MALAT1: variants seen among roughly 807,000 people sequenced by gnomAD.
MALAT1 encodes the protein metastasis associated lung adenocarcinoma transcript 1.
exon 1 of MALAT1, chr11:65,497,829 A>AT: frequency 3.9e-6 from 2 of 514,116 alleles, no homozygotes; most frequent in Non-Finnish European, 7.8e-6. Flanking sequence ...TTAGCAACGC[A>AT]GAAGCCCGGC....
exon 3 of MALAT1, chr11:65,501,679 T>TTTTATCCTTGGAAGAGTA (rs1854549049): frequency 1.9e-6 from 1 of 518,918 alleles, no homozygotes; most frequent in South Asian, 1.4e-5. Context: ...CTGGAGCTGC[T>TTTTATCCTTGGAAGAGTA]TTTATCCTTG....
intron 1 of MALAT1, chr11:65,498,484 A>G: frequency 3.9e-6 from 2 of 516,928 alleles, no homozygotes; most frequent in Non-Finnish European, 7.7e-6. Context: ...TCCCAAGCAG[A>G]CAGCCCGTGC....
chr11:65,499,852 G>A (rs1197583597), exon 3 of MALAT1: 3 of 421,638 alleles, frequency 7.1e-6, no homozygotes, highest in African/African-American at 2.1e-5. Flanking sequence ...AAAATTGGAA[G>A]ATAGAAACAA....
intron 3 of MALAT1, chr11:65,504,635 C>CT (rs1240902670): frequency 1.2e-5 from 6 of 518,770 alleles, no homozygotes; most frequent in Non-Finnish European, 2.3e-5. Context: ...TGGGAGGGGA[C>CT]TGAAGCCTTT....
At chr11:65,499,534 C>A (rs377353346) in exon 3 of MALAT1, 36 of 458,518 alleles carry the variant, frequency 7.9e-5, no homozygotes, top group African/African-American at 6.6e-4. Flanking sequence ...ACCTTGAAAT[C>A]CATGACGCAG....
chr11:65,499,035 G>A (rs747758493), exon 3 of MALAT1: 1 of 518,550 alleles, frequency 1.9e-6, no homozygotes, highest in Non-Finnish European at 3.8e-6. Context: ...CCTCGCCCGA[G>A]CTGTGCGGTA....
chr11:65,502,237 C>T (rs773310043), exon 3 of MALAT1: 2 of 518,786 alleles, frequency 3.9e-6, no homozygotes, highest in South Asian at 1.4e-5. Context: ...ATGGGAAATG[C>T]AAAAGTTGTT....
exon 3 of MALAT1, chr11:65,502,260 T>A (rs1482261812): frequency 1.9e-6 from 1 of 516,350 alleles, no homozygotes; most frequent in South Asian, 1.4e-5. Context: ...GATATGGTAG[T>A]GTGTGGTTCT....
At chr11:65,499,592 G>A in exon 3 of MALAT1, 1 of 452,428 alleles carries the variant, frequency 2.2e-6, no homozygotes, top group Non-Finnish European at 4.4e-6. Flanking sequence ...ACTAAACGCA[G>A]ACGAAAATGG....
At chr11:65,499,041 C>A (rs746679165) in exon 3 of MALAT1, 4 of 518,376 alleles carry the variant, frequency 7.7e-6, no homozygotes, top group African/African-American at 1.9e-5. Context: ...CCGAGCTGTG[C>A]GGTAGGCATT....
exon 3 of MALAT1, chr11:65,502,755 A>C (rs564575824): frequency 1.9e-6 from 1 of 516,230 alleles, no homozygotes; most frequent in Admixed American, 2.0e-5. Context: ...TATATGTCAT[A>C]CCTCCATTGG....
chr11:65,498,164 T>C (rs1854437615), intron 1 of MALAT1: 1 of 518,896 alleles, frequency 1.9e-6, no homozygotes, highest in Non-Finnish European at 3.8e-6. Context: ...TCTGGGTGTG[T>C]CCCTGACTGG....
At chr11:65,499,677 A>C (rs894923111) in exon 3 of MALAT1, 1 of 434,596 alleles carries the variant, frequency 2.3e-6, no homozygotes, top group African/African-American at 2.1e-5. Context: ...TGGAAGACAG[A>C]AGTACGGGAA....
At chr11:65,499,856 G>C (rs78622925) in exon 3 of MALAT1, 3 of 422,916 alleles carry the variant, frequency 7.1e-6, no homozygotes, top group South Asian at 1.8e-5. Flanking sequence ...TTGGAAGATA[G>C]AAACAAGATA....
At chr11:65,504,356 C>G (rs370693169) in intron 3 of MALAT1, 10 of 516,438 alleles carry the variant, frequency 1.9e-5, no homozygotes, top group South Asian at 1.3e-4. Context: ...GTCTTGACTT[C>G]AGGTCTGTCT....
exon 3 of MALAT1, chr11:65,502,309 A>G (rs1368618177): frequency 3.9e-6 from 2 of 516,948 alleles, no homozygotes; most frequent in Admixed American, 2.0e-5. Context: ...TAATAATTTA[A>G]AACTACTATA....
intron 3 of MALAT1, chr11:65,505,988 C>A: frequency 2.2e-6 from 1 of 457,928 alleles, no homozygotes; most frequent in South Asian, 1.6e-5. Context: ...AGCATCTTAG[C>A]GGAAGCTGAT....
exon 4 of MALAT1, chr11:65,506,422 T>C (rs374165581): frequency 7.8e-5 from 29 of 370,230 alleles, no homozygotes; most frequent in East Asian, 4.8e-4. Flanking sequence ...GAAGCCCTAC[T>C]GCTGAAAACT....
intron 3 of MALAT1, chr11:65,505,938 T>C: frequency 2.3e-6 from 1 of 436,554 alleles, no homozygotes; most frequent in Non-Finnish European, 4.5e-6. Context: ...AATTCTCTGC[T>C]AAGACTTTTT....
Sources: allele counts gnomAD v4.1 joint callset, GRCh38; gene constraint gnomAD v4.1.1; transcripts MANE v1.5; gene names NCBI Gene and HGNC (gene_info 2026-07-23, HGNC 2026-07-21).